The following PORCN variants were observed in gnomAD, a reference collection of about 807,000 sequenced individuals.
PORCN encodes the protein porcupine O-acyltransferase, also known as protein-serine O-palmitoleoyltransferase porcupine.
PORCN carries 1 observed loss-of-function variant against 43.0 expected under a neutral mutation model. The ratio of observed to expected loss-of-function variants is 0.02; its 90% CI spans 0.01 to 0.11. PORCN has a LOEUF of 0.11. Ranked by LOEUF, PORCN falls within the 10% of genes least tolerant of loss-of-function variation. The pLI is 1.00. For synonymous variants in PORCN, 148 were observed against 166.4 expected (o/e 0.89, Z 0.85); for missense variants, 240 against 392.1 (o/e 0.61, Z 3.28).
chrX:48,513,601 A>G (rs982947611), intron 7 of PORCN, among the ~76,000 whole-genome samples: 1 of 112,752 alleles, frequency 8.9e-6, no homozygotes, highest in Non-Finnish European at 1.9e-5. Flanking sequence ...AGTGTCACCC[A>G]GCTAAGCAGC....
At chrX:48,516,719 A>C (rs782441429) in intron 13 of PORCN, among the ~76,000 whole-genome samples, 1 of 110,774 alleles carries the variant, frequency 9.0e-6, no homozygotes, top group East Asian at 2.8e-4. Context: ...GGAATCTTTG[A>C]GGAATAGCAA....
At chrX:48,511,804 C>T (rs1556973945) in intron 3 of PORCN, 88 bp from the exon 4 acceptor site, 16 of 869,197 alleles carry the variant, frequency 1.8e-5, no homozygotes, top group Non-Finnish European at 1.7e-6. Context: ...GTAGAACCCT[C>T]TGGGCACCTT....
chrX:48,512,164 A>C (rs994382371), intron 4 of PORCN, 162 bp from the exon 5 acceptor site: 1 of 587,179 alleles, frequency 1.7e-6, no homozygotes, highest in Non-Finnish European at 2.8e-6. Context: ...GAGTAAGGGC[A>C]TCTATCTGTC....
At position 48,513,693 on chromosome X, in the gene PORCN, AC is replaced by A. The variant is rs781913479; in HGVS notation, c.705-433del. Among the ~76,000 whole-genome samples, 406 of 112,561 alleles carry A rather than the reference AC, an allele frequency of 3.6e-3. 1 individual carries two copies. The highest frequency in any genetic ancestry group is 0.013 in the African/African-American group (388 of 31,015). ...TGCCTGTTTTTGACCATGTCTGATT[AC>A]AACTAGTAGGGGGGGTGTGTGTGTG... is the stretch of plus-strand genomic sequence containing the variant. On this transcript the variant is annotated intron_variant, in intron 7 of 14. Transcript: ENST00000326194.
At chrX:48,511,718 T>C (rs371122934) in intron 3 of PORCN, among the ~76,000 whole-genome samples, 174 bp from the exon 4 acceptor site, 1 of 110,370 alleles carries the variant, frequency 9.1e-6, no homozygotes, top group East Asian at 2.9e-4. Context: ...AAGGGACAGG[T>C]TGGGCATGGG....
rs1380762250 is a variant in PORCN, at chrX:48,517,274, A to G, written c.1265A>G (p.Asp422Gly). Residue 422 changes from aspartate (D) to glycine (G), a missense_variant, in exon 14 of 15, where the codon GAT (aspartate) becomes GGT (glycine). Physicochemically the swap from Asp to Gly is moderately conservative, Grantham distance 94. Transcript: ENST00000326194. ...YLGSLFDVDV[D>G]DTTEEQGYGM... Reference sequence around the variant, plus strand: ...GGCTCCCTGTTTGATGTCGATGTGGATGACACCACAGAGGAGCAGGTGAGG... The same window carrying G: ...GGCTCCCTGTTTGATGTCGATGTGGGTGACACCACAGAGGAGCAGGTGAGG... The G allele has an allele frequency of 1.7e-6, 2 of 1,158,693 alleles. No homozygotes were observed. Among genetic ancestry groups the G allele is most frequent in the Admixed American group, 5.2e-5 (2 of 38,681 alleles).
chrX:48,516,139 A>G lies in PORCN; in HGVS notation c.1166A>G (p.His389Arg), dbSNP rs781938117. Residue 389 changes from histidine (H) to arginine (R), a missense_variant, in exon 13 of 15, where the codon CAT becomes CGT. Physicochemically the swap from His to Arg is conservative, Grantham distance 29 (BLOSUM62 0). Transcript: ENST00000326194. ...KRCPPDCSHQ[H>R]RLGLGVRALN... ...TGCCCGCCAGACTGTTCGCACCAGC[A>G]TCGCTTGGTGAGGGTTCAGCCTGGG... is the stretch of plus-strand genomic sequence containing the variant. The G allele has an allele frequency of 6.6e-6, 8 of 1,209,983 alleles. No individual in the cohort carries two copies. The highest frequency in any genetic ancestry group is 8.9e-6 in the Non-Finnish European group (8 of 894,157).
At chrX:48,509,296 G>C (rs1464235356) in intron 1 of PORCN, 193 bp downstream of exon 1, 3 of 239,428 alleles carry the variant, frequency 1.3e-5, no homozygotes, top group African/African-American at 8.7e-5. Context: ...CCTCTCGCCG[G>C]GTGGGGATGA....
intron 2 of PORCN, among the ~76,000 whole-genome samples, chrX:48,510,735 CTCTATCTG>C (rs1404732852): frequency 1.2e-5 from 1 of 84,724 alleles, no homozygotes; most frequent in East Asian, 3.6e-4. Flanking sequence ...CGTTAGCTGG[CTCTATCTG>C]TCTATCTATC....
intron 4 of PORCN, 156 bp from the exon 5 acceptor site, chrX:48,512,170 C>G: frequency 1.7e-6 from 1 of 602,211 alleles, no homozygotes; most frequent in Admixed American, 2.7e-5. Flanking sequence ...GGGCATCTAT[C>G]TGTCCTGGGC....
At chrX:48,515,635 G>T (rs782661225) in intron 10 of PORCN, 82 bp from the exon 11 acceptor site, 17 of 796,780 alleles carry the variant, frequency 2.1e-5, no homozygotes, top group Non-Finnish European at 3.1e-5. Context: ...CAGGTTGTGG[G>T]TATTCTCATC....
At position 48,520,666 on chromosome X, in the gene PORCN, A is replaced by T. The variant is rs1372435075; in HGVS notation, c.*190A>T. ...GCCTGTCAATCCCCACCCCACCACA[A>T]GGCAGGAAGGGGGTGGTGCCTGCTG... On this transcript the variant is annotated 3_prime_UTR_variant, in exon 15 of 15. Transcript: ENST00000326194. 6.4e-6 allele frequency: 3 copies of T among 466,170 alleles called. No individual in the cohort carries two copies. The Admixed American group carries it at 8.4e-5, about 13-fold the overall frequency. 38.4% of individuals were successfully genotyped at this position (466,170 alleles called of 1,213,427 possible).
chrX:48,509,499 G>T (rs782563033), intron 1 of PORCN: 10 of 1,002,313 alleles, frequency 1.0e-5, no homozygotes, highest in Non-Finnish European at 1.3e-5. Flanking sequence ...TGAAATGTAT[G>T]CCATCCCATC....
intron 10 of PORCN, 48 bp from the exon 11 acceptor site, chrX:48,515,669 G>C: frequency 9.3e-7 from 1 of 1,076,583 alleles, no homozygotes; most frequent in African/African-American, 1.8e-5. Context: ...TCCAGGAGGG[G>C]CTGGGGGACT....
chrX:48,516,068 G>A lies in PORCN; in HGVS notation c.1095G>A (p.Arg365=). 1 of 1,211,682 alleles carries A rather than the reference G, an allele frequency of 8.3e-7. No homozygotes were observed. Among genetic ancestry groups the A allele is most frequent in the Middle Eastern group, 2.3e-4 (1 of 4,355 alleles). ...CTCTCCCCACCACCCTAGTCCTCCGGAAGCGCCTGGCTCGGATCCTCAGTG... is the reference window on the plus strand; with the variant it reads ...CTCTCCCCACCACCCTAGTCCTCCGAAAGCGCCTGGCTCGGATCCTCAGTG... ...AFITYVEHVL[R]KRLARILSAC... is the part of the protein sequence containing the mutation. Residue 365 remains arginine (R), a synonymous_variant, in exon 13 of 15, where the codon CGG becomes CGA. Coordinates refer to ENST00000326194, the MANE Select transcript of PORCN (RefSeq NM_203475.3).
chrX:48,513,263 G>T (rs1185870515), intron 7 of PORCN, among the ~76,000 whole-genome samples: 1 of 112,572 alleles, frequency 8.9e-6, no homozygotes, highest in African/African-American at 3.2e-5. Flanking sequence ...AGGGTATGTG[G>T]CTGTCATTGG....
chrX:48,512,178 G>T lies in PORCN; in HGVS notation c.374-148G>T, dbSNP rs2061681348. The T allele has an allele frequency of 6.2e-6, 4 of 640,943 alleles. No homozygotes were observed. The South Asian group carries it at 1.0e-4, about 16-fold the overall frequency. The allele number at this position is 640,943 out of a possible 1,213,427, so 52.8% of individuals were successfully genotyped here. The stretch of plus-strand genomic sequence containing the variant: ...GGAGTAAGGGCATCTATCTGTCCTG[G>T]GCTTCCTTGCCCACCTGCCTATCTG... On this transcript the variant is annotated intron_variant, in intron 4 of 14. Transcript: ENST00000326194.
chrX:48,517,351 A>G (rs2061726158), intron 14 of PORCN, 58 bp downstream of exon 14: 2 of 858,991 alleles, frequency 2.3e-6, no homozygotes, highest in Non-Finnish European at 3.4e-6. Context: ...TGGCGGGGGG[A>G]AACCATGAGG....
chrX:48,509,598 C>T, intron 1 of PORCN, 186 bp from the exon 2 acceptor site: 8 of 1,128,737 alleles, frequency 7.1e-6, no homozygotes, highest in Non-Finnish European at 8.2e-6. Flanking sequence ...ATGCCGAACA[C>T]CCACATGCAC....
Sources: gnomAD v4.1 joint callset for allele counts (sites outside exome capture counted in the v4.1 genomes callset) on GRCh38, gnomAD v4.1.1 for gene constraint, MANE v1.5 for transcripts, NCBI Gene and HGNC (gene_info 2026-07-23, HGNC 2026-07-21) for gene names.